Variants in ABCA1 observed in about 807,000 individuals in gnomAD.
ABCA1 encodes phospholipid-transporting ATPase ABCA1.
In ABCA1, 133 loss-of-function variants were observed where a neutral mutation model predicts 262.5. The ratio of observed to expected loss-of-function variants is 0.51; its 90% CI spans 0.44 to 0.59. The LOEUF is 0.59. Ranked by LOEUF, ABCA1 falls within the 20% of genes least tolerant of loss-of-function variation. The pLI is 0.00. For synonymous variants in ABCA1, 1,022 were observed against 1,043.5 expected, an observed-to-expected ratio of 0.98 and a Z score of 0.40; for missense variants, 2,452 against 2,777.5, an observed-to-expected ratio of 0.88 and a Z score of 2.63.
intron 8 of ABCA1, among the ~76,000 whole-genome samples, chr9:104,841,999 G>C (rs867929278): frequency 2.0e-5 from 3 of 152,252 alleles, no homozygotes; most frequent in African/African-American, 7.2e-5. Flanking sequence ...AGAGCACAGA[G>C]GGGAGGGGAA....
At chr9:104,892,193 C>T (rs1839813337) in intron 2 of ABCA1, among the ~76,000 whole-genome samples, 1 of 151,826 alleles carries the variant, frequency 6.6e-6, no homozygotes, top group South Asian at 2.1e-4. Flanking sequence ...TACTCAAGAC[C>T]AAAGATGGGG....
intron 5 of ABCA1, among the ~76,000 whole-genome samples, chr9:104,866,232 G>A (rs1837076522): frequency 6.6e-6 from 1 of 152,290 alleles, no homozygotes; most frequent in East Asian, 1.9e-4. Flanking sequence ...CTGGGTAGTA[G>A]GAAGGGGAGA....
chr9:104,862,687 G>A (rs1329115858), intron 5 of ABCA1, among the ~76,000 whole-genome samples: 312 of 1,576 alleles, frequency 0.2, 89 homozygotes, highest in African/African-American at 0.39. Flanking sequence ...GCCGGGCCGG[G>A]CCGGGCCGGG....
intron 7 of ABCA1, among the ~76,000 whole-genome samples, chr9:104,846,113 T>C (rs1049979519): frequency 6.6e-6 from 1 of 152,218 alleles, no homozygotes; most frequent in Non-Finnish European, 1.5e-5. Flanking sequence ...ATGTACCAAT[T>C]CATATATTTA....
At chr9:104,912,618 C>T (rs373481888) in intron 1 of ABCA1, among the ~76,000 whole-genome samples, 28 of 152,220 alleles carry the variant, frequency 1.8e-4, no homozygotes, top group African/African-American at 4.8e-4. Flanking sequence ...TATAGAACTA[C>T]GAAGAAACTC....
chr9:104,927,040 C>T (rs1051696845), intron 1 of ABCA1, among the ~76,000 whole-genome samples: 1 of 151,860 alleles, frequency 6.6e-6, no homozygotes, highest in Non-Finnish European at 1.5e-5. Flanking sequence ...GTTGAAACCC[C>T]GTCTCTACTA....
In ABCA1 at chr9:104,786,345, G is replaced by A. The variant is rs372885635; in HGVS notation, c.6354C>T (p.Val2118=). The A allele has an allele frequency of 6.8e-6, 11 of 1,614,036 alleles. No homozygotes were observed. Among genetic ancestry groups the A allele is most frequent in the Non-Finnish European group, 8.5e-6 (10 of 1,179,986 alleles). ...EALCTRMAIM[V]NGRFRCLGSV... is the part of the protein sequence containing the mutation. ...TGCCAAGGCACCTGAACCTTCCATT[G>A]ACCATGATTGCCATCCTAGTGCAAA... is the stretch of plus-strand genomic sequence containing the variant. The change falls in exon 48 of 50, where the codon GTC becomes GTT. Residue 2118 remains valine, a synonymous_variant. Coordinates refer to ENST00000374736, the MANE Select transcript of ABCA1 (RefSeq NM_005502.4).
Position 104,913,305 on chromosome 9 carries a change from G to A in ABCA1, c.-92-9534C>T, listed in dbSNP as rs548226112. ...AGGAAGAAAGGAGGTTTTAGAGTCA[G>A]AGAAAGCTGGGTTTGAATCCTGACT... On this transcript the variant is annotated intron_variant, in intron 1 of 49. Transcript: ENST00000374736. Among the ~76,000 whole-genome samples, 6 of 152,322 alleles carry A rather than the reference G, an allele frequency of 3.9e-5. No individual in the cohort carries two copies. In the East Asian group the frequency reaches 1.2e-3, roughly 29 times the overall value.
Position 104,861,719 on chromosome 9 carries a change from G to T in ABCA1, c.503C>A (p.Thr168Asn). The change falls in exon 6 of 50, where the codon ACT becomes AAT. Residue 168 changes from threonine (T) to asparagine (N), a missense_variant. Thr to Asn is a moderately conservative substitution (Grantham distance 65, BLOSUM62 0). This residue lies in a region of ABCA1 where 1,032 missense variants were observed against 1,089.7 expected (regional missense o/e 0.95). Coordinates refer to ENST00000374736, the MANE Select transcript of ABCA1 (RefSeq NM_005502.4). ...LYHNLSLPKS[T>N]VDKMLRADVI... ...ATCAGCCCTCAGCATCTTGTCCACA[G>T]TAGACTTTGGGAGAGAGAGGTTGTG... 1 of 1,614,026 alleles carries T rather than the reference G, an allele frequency of 6.2e-7. No individual in the cohort carries two copies. The highest frequency in any genetic ancestry group is 8.5e-7 in the Non-Finnish European group (1 of 1,180,000).
chr9:104,908,512 T>C (rs370799045), intron 1 of ABCA1, among the ~76,000 whole-genome samples: 1 of 151,964 alleles, frequency 6.6e-6, no homozygotes, highest in Non-Finnish European at 1.5e-5. Context: ...ACTAAAAATA[T>C]AAAAATTAGT....
At position 104,794,418 on chromosome 9, in the gene ABCA1, G is replaced by T; in HGVS notation, c.5475C>A (p.Asn1825Lys). Reference sequence around the variant, plus strand: ...TTTCCAGGGCATCAGCCATTGCCTGGTTTTTCACCATGTCGATGAGCCCTC... The same window carrying T: ...TTTCCAGGGCATCAGCCATTGCCTGTTTTTTCACCATGTCGATGAGCCCTC... Reference protein sequence around the residue: ...LGRGLIDMVKNQAMADALERF... With the variant: ...LGRGLIDMVKKQAMADALERF... The change falls in exon 40 of 50, where the codon AAC becomes AAA. Residue 1825 changes from asparagine to lysine, a missense_variant. Transcript: ENST00000374736. 4 of 1,605,850 alleles carry T rather than the reference G, an allele frequency of 2.5e-6. No individual in the cohort carries two copies. The highest frequency in any genetic ancestry group is 3.4e-6 in the Non-Finnish European group (4 of 1,175,642).
Position 104,784,296 on chromosome 9 carries a change from C to A in ABCA1, c.*19G>T, listed in dbSNP as rs368288959. On this transcript the variant is annotated 3_prime_UTR_variant, in exon 50 of 50. Transcript: ENST00000374736. ...CTAGTTCCTCTTTACTTTCAGCCAC[C>A]CCGTATGAACAGGATTCTTCATACA... The A allele has an allele frequency of 1.1e-4, 175 of 1,613,984 alleles. 4 individuals are homozygous for A. Among genetic ancestry groups the A allele is most frequent in the South Asian group, 1.0e-3 (94 of 91,066 alleles).
intron 32 of ABCA1, 83 bp downstream of exon 32, chr9:104,804,543 A>T: frequency 9.0e-7 from 1 of 1,105,506 alleles, no homozygotes; most frequent in Non-Finnish European, 1.4e-6. Context: ...CATTTCCCCC[A>T]CTGTTTCAGT....
At chr9:104,915,275 T>C (rs1179553387) in intron 1 of ABCA1, among the ~76,000 whole-genome samples, 1 of 152,230 alleles carries the variant, frequency 6.6e-6, no homozygotes, top group Non-Finnish European at 1.5e-5. Flanking sequence ...AAGACACTTC[T>C]ATTTCTGCAG....
chr9:104,825,846 G>A lies in ABCA1; in HGVS notation c.2379C>T (p.Tyr793=). Residue 793 remains tyrosine, a synonymous_variant, in exon 17 of 50, where the codon TAC becomes TAT. Transcript: ENST00000374736. ...TGCCCTGCTCCTCAAAAAGGGCAAA[G>A]TACTCACAGCCAAACCCAAAAGCCA... ...SPVAFGFGCE[Y]FALFEEQGIG... The A allele has an allele frequency of 1.9e-6, 3 of 1,614,188 alleles. No homozygotes were observed. Among genetic ancestry groups the A allele is most frequent in the Non-Finnish European group, 2.5e-6 (3 of 1,180,034 alleles).
chr9:104,825,991 G>T (rs539078209), intron 16 of ABCA1, 104 bp from the exon 17 acceptor site: 54 of 1,176,322 alleles, frequency 4.6e-5, no homozygotes, highest in Non-Finnish European at 6.2e-5. Flanking sequence ...TTGCAAAATG[G>T]ATCAATCATA....
chr9:104,924,430 T>C (rs1842311297), intron 1 of ABCA1, among the ~76,000 whole-genome samples: 1 of 151,946 alleles, frequency 6.6e-6, no homozygotes, highest in South Asian at 2.1e-4. Context: ...GCCAACATGG[T>C]GAAACCCTGT....
intron 7 of ABCA1, among the ~76,000 whole-genome samples, chr9:104,853,803 G>A (rs1340354): frequency 0.036 from 5,511 of 152,228 alleles, 310 homozygotes; most frequent in African/African-American, 0.11. Context: ...GTCAACAAAA[G>A]CCAAAGGCAC....
intron 14 of ABCA1, 58 bp from the exon 15 acceptor site, chr9:104,829,196 T>C (rs1355377270): frequency 7.6e-6 from 12 of 1,576,130 alleles, no homozygotes; most frequent in African/African-American, 1.3e-5. Flanking sequence ...GCCAGGGTGA[T>C]GGGCCAAGGC....
Sources: allele counts gnomAD v4.1 joint callset (sites outside exome capture counted in the v4.1 genomes callset), GRCh38; gene constraint gnomAD v4.1.1; regional missense constraint gnomAD v4.1.1; transcripts MANE v1.5; gene names NCBI Gene and HGNC (gene_info 2026-07-23, HGNC 2026-07-21).